Variants in ARL8B observed in about 807,000 individuals in gnomAD.
ARL8B encodes the protein ARF like GTPase 8B, also known as ADP-ribosylation factor-like protein 8B.
A neutral mutation model predicts 30.6 loss-of-function variants in ARL8B; 9 were observed. That is an observed-to-expected ratio of 0.29 (90% CI 0.18 to 0.51). The LOEUF is 0.51. Ranked by LOEUF, ARL8B falls within the 20% of genes least tolerant of loss-of-function variation. The probability of loss-of-function intolerance (pLI) is 0.97; values close to 1 mark genes in which losing one functional copy is unlikely to be tolerated. For synonymous variants in ARL8B, 74 were observed against 76.0 expected, an observed-to-expected ratio of 0.97 and a Z score of 0.14; for missense variants, 130 against 227.2, an observed-to-expected ratio of 0.57 and a Z score of 2.75.
intron 1 of ARL8B, among the ~76,000 whole-genome samples, chr3:5,166,348 GTT>G (rs576653836): frequency 0.33 from 32,582 of 98,194 alleles, 4,167 homozygotes; most frequent in African/African-American, 0.48. Context: ...GGTATCTTTC[GTT>G]TTTTTTTTTT....
intron 1 of ARL8B, among the ~76,000 whole-genome samples, chr3:5,131,272 G>A (rs1430529090): frequency 2.6e-5 from 4 of 151,968 alleles, no homozygotes; most frequent in Admixed American, 6.6e-5. Flanking sequence ...TTCATCATTT[G>A]TAAATAGTTC....
chr3:5,172,504 G>T, intron 3 of ARL8B, 143 bp from the exon 4 acceptor site: 1 of 658,278 alleles, frequency 1.5e-6, no homozygotes, highest in African/African-American at 1.8e-5. Flanking sequence ...ATTAAAGGGT[G>T]CTGAGCCTTT....
chr3:5,124,315 A>T (rs1485132960), intron 1 of ARL8B, among the ~76,000 whole-genome samples: 1 of 125,924 alleles, frequency 7.9e-6, no homozygotes, highest in Non-Finnish European at 1.6e-5. Context: ...CTATGTTGCC[A>T]GGCCAGCCTT....
intron 1 of ARL8B, among the ~76,000 whole-genome samples, chr3:5,143,699 C>A (rs1046347559): frequency 6.6e-6 from 1 of 152,240 alleles, no homozygotes. Flanking sequence ...AAGTCTTAAT[C>A]AGCACCAAGT....
At chr3:5,155,270 C>A (rs1466273258) in intron 1 of ARL8B, among the ~76,000 whole-genome samples, 1 of 152,148 alleles carries the variant, frequency 6.6e-6, no homozygotes, top group Admixed American at 6.5e-5. Context: ...TCTGATAAAT[C>A]TGCTGCTACT....
intron 1 of ARL8B, among the ~76,000 whole-genome samples, chr3:5,140,141 G>A (rs1432564394): frequency 2.0e-5 from 3 of 151,928 alleles, no homozygotes; most frequent in Non-Finnish European, 2.9e-5. Context: ...TAAAAATAAT[G>A]CTCTCCTGTT....
chr3:5,132,900 T>C (rs2054295175), intron 1 of ARL8B, among the ~76,000 whole-genome samples: 2 of 152,086 alleles, frequency 1.3e-5, no homozygotes, highest in Admixed American at 6.6e-5. Context: ...CATTAAGACA[T>C]TGGAGGAGTT....
chr3:5,143,824 A>G (rs2054396828), intron 1 of ARL8B, among the ~76,000 whole-genome samples: 1 of 152,210 alleles, frequency 6.6e-6, no homozygotes, highest in Admixed American at 6.5e-5. Context: ...TTTCTTAAGA[A>G]TTGATCCTTG....
rs146267775 is a variant in ARL8B, at chr3:5,154,290, A to G, written c.124-16213A>G. Among the ~76,000 whole-genome samples the G allele has an allele frequency of 7.4e-3, 1,114 of 150,130 alleles. 14 individuals are homozygous for G. Among genetic ancestry groups the G allele is most frequent in the Non-Finnish European group, 0.013 (870 of 67,546 alleles). ...TTGTCCCACAGATCCTGTTCATTTC[A>G]CAGTTTTGTTCATTTTTTAAAAAAA... On this transcript the variant is annotated intron_variant, in intron 1 of 6. Transcript: ENST00000256496.
intron 1 of ARL8B, 124 bp downstream of exon 1, chr3:5,122,712 C>A: frequency 8.9e-7 from 1 of 1,123,794 alleles, no homozygotes; most frequent in Non-Finnish European, 1.2e-6. Context: ...GCGTGCGAAG[C>A]TGGGCCTGTC....
At chr3:5,124,463 A>AT (rs2054212493) in intron 1 of ARL8B, among the ~76,000 whole-genome samples, 3 of 151,132 alleles carry the variant, frequency 2.0e-5, no homozygotes, top group Admixed American at 1.3e-4. Context: ...TTATATTAGA[A>AT]TTTTTTTCTT....
intron 1 of ARL8B, among the ~76,000 whole-genome samples, chr3:5,136,359 A>C (rs1290429378): frequency 6.6e-6 from 1 of 152,202 alleles, no homozygotes; most frequent in African/African-American, 2.4e-5. Flanking sequence ...TTCAATTCCA[A>C]TTCAGTCTGA....
At chr3:5,129,236 G>A (rs903575246) in intron 1 of ARL8B, among the ~76,000 whole-genome samples, 14 of 151,908 alleles carry the variant, frequency 9.2e-5, no homozygotes, top group African/African-American at 3.1e-4. Context: ...GTGCAGTGGT[G>A]TGATCTTGGC....
At chr3:5,133,298 G>T (rs1341971124) in intron 1 of ARL8B, among the ~76,000 whole-genome samples, 1 of 152,154 alleles carries the variant, frequency 6.6e-6, no homozygotes, top group African/African-American at 2.4e-5. Context: ...TAATTCAGAG[G>T]AATAAGATAA....
chr3:5,166,335 G>A (rs1345038317), intron 1 of ARL8B, among the ~76,000 whole-genome samples: 1 of 145,852 alleles, frequency 6.9e-6, no homozygotes, highest in Non-Finnish European at 1.5e-5. Context: ...GCTGCGCCTG[G>A]CTGGTATCTT....
At chr3:5,143,653 G>C (rs2054395088) in intron 1 of ARL8B, among the ~76,000 whole-genome samples, 1 of 152,236 alleles carries the variant, frequency 6.6e-6, no homozygotes, top group Non-Finnish European at 1.5e-5. Context: ...ACTTCATAGG[G>C]ACCTTCTCAG....
intron 1 of ARL8B, among the ~76,000 whole-genome samples, chr3:5,136,142 T>C (rs1433929169): frequency 7.8e-6 from 1 of 127,826 alleles, no homozygotes; most frequent in Non-Finnish European, 1.6e-5. Flanking sequence ...GGTCTTGTTC[T>C]GTTGCAGGCT....
chr3:5,167,060 G>A (rs2054631000), intron 1 of ARL8B, among the ~76,000 whole-genome samples: 1 of 152,190 alleles, frequency 6.6e-6, no homozygotes, highest in South Asian at 2.1e-4. Context: ...CTTGCATCTA[G>A]TTAGTAAGTA....
chr3:5,177,034 A>C (rs1297755584), intron 6 of ARL8B, among the ~76,000 whole-genome samples: 1 of 152,172 alleles, frequency 6.6e-6, no homozygotes, highest in Non-Finnish European at 1.5e-5. Context: ...ACTAACCGTA[A>C]TTTTTAGTCC....
Sources: allele counts gnomAD v4.1 joint callset (sites outside exome capture counted in the v4.1 genomes callset), GRCh38; gene constraint gnomAD v4.1.1; transcripts MANE v1.5; gene names NCBI Gene and HGNC (gene_info 2026-07-23, HGNC 2026-07-21).